The following CNBD1 variants were observed in gnomAD, a reference collection of about 807,000 sequenced individuals.
CNBD1 encodes the protein cyclic nucleotide-binding domain-containing protein 1.
Under a neutral mutation model 54.4 loss-of-function variants are expected in CNBD1, and 71 were observed. The ratio of observed to expected loss-of-function variants is 1.30; its 90% CI spans 1.08 to 1.59. CNBD1 has a LOEUF of 1.59. CNBD1 is among the 40% of genes most tolerant of loss of function. The probability of loss-of-function intolerance (pLI) is 0.00; values close to 1 mark genes in which losing one functional copy is unlikely to be tolerated. For synonymous variants in CNBD1, 182 were observed against 170.7 expected, an observed-to-expected ratio of 1.07 and a Z score of -0.51; for missense variants, 659 against 518.0, an observed-to-expected ratio of 1.27 and a Z score of -2.64.
chr8:87,317,211 T>C, intron 8 of CNBD1, among the ~76,000 whole-genome samples: 1 of 151,726 alleles, frequency 6.6e-6, no homozygotes. Flanking sequence ...TCCTTTTTTA[T>C]TATTTAAATT....
At chr8:87,091,769 G>A (rs1811206575) in intron 4 of CNBD1, among the ~76,000 whole-genome samples, 1 of 151,198 alleles carries the variant, frequency 6.6e-6, no homozygotes, top group Admixed American at 6.6e-5. Flanking sequence ...TCCTTCATGT[G>A]TAAAGGAGGT....
At chr8:87,296,630 CA>C (rs1323115517) in intron 8 of CNBD1, among the ~76,000 whole-genome samples, 1 of 147,970 alleles carries the variant, frequency 6.8e-6, no homozygotes, top group African/African-American at 2.6e-5. Flanking sequence ...CATATATATA[CA>C]TATATATGTG....
intron 4 of CNBD1, among the ~76,000 whole-genome samples, chr8:87,041,120 C>T (rs967501645): frequency 3.9e-5 from 6 of 151,900 alleles, no homozygotes; most frequent in Non-Finnish European, 8.8e-5. Flanking sequence ...TAGTGAGGTT[C>T]CAAGCAATAA....
chr8:87,371,681 A>G (rs1225852236), intron 10 of CNBD1, among the ~76,000 whole-genome samples: 5 of 152,066 alleles, frequency 3.3e-5, no homozygotes, highest in African/African-American at 1.2e-4. Context: ...GGCTGGTTCA[A>G]TATATGCAAA....
intron 2 of CNBD1, among the ~76,000 whole-genome samples, chr8:87,414,406 A>C (rs1038159855): frequency 1.3e-5 from 2 of 152,112 alleles, no homozygotes; most frequent in Non-Finnish European, 2.9e-5. Flanking sequence ...TAGCATTAGG[A>C]GATATACCTA....
At chr8:87,181,779 G>A (rs1355416156) in intron 4 of CNBD1, among the ~76,000 whole-genome samples, 1 of 151,962 alleles carries the variant, frequency 6.6e-6, no homozygotes, top group Non-Finnish European at 1.5e-5. Context: ...TTTTTCTAGG[G>A]TTACAGGTGA....
chr8:87,420,678 A>G (rs1807917969), intron 2 of CNBD1, among the ~76,000 whole-genome samples: 3 of 151,968 alleles, frequency 2.0e-5, no homozygotes, highest in Admixed American at 1.3e-4. Context: ...CTATTTAAAT[A>G]TAATGTAATA....
At chr8:86,894,596 T>C (rs1808823174) in intron 2 of CNBD1, among the ~76,000 whole-genome samples, 1 of 152,152 alleles carries the variant, frequency 6.6e-6, no homozygotes, top group African/African-American at 2.4e-5. Context: ...AAGTATATAA[T>C]GACATGGAAC....
intron 2 of CNBD1, among the ~76,000 whole-genome samples, chr8:86,895,670 C>T (rs1808838558): frequency 6.6e-6 from 1 of 152,078 alleles, no homozygotes; most frequent in African/African-American, 2.4e-5. Flanking sequence ...TATCTTGTTG[C>T]TTTAGTTTGT....
At position 87,323,540 on chromosome 8, in the gene CNBD1, A is replaced by G. The variant is rs1305173196; in HGVS notation, c.1043-28145A>G. On this transcript the variant is annotated intron_variant, in intron 8 of 10. Coordinates refer to ENST00000518476, the MANE Select transcript of CNBD1 (RefSeq NM_173538.3). ...CACATCCCTTGTAAGTTGGATTCCTAGGTATTTTATTCTCTTTGAAGCAAT... is the reference window on the plus strand; with the variant it reads ...CACATCCCTTGTAAGTTGGATTCCTGGGTATTTTATTCTCTTTGAAGCAAT... Among the ~76,000 whole-genome samples, 12 of 120,766 alleles carry G rather than the reference A, an allele frequency of 9.9e-5. 1 individual carries two copies. The highest frequency in any genetic ancestry group is 4.8e-4 in the South Asian group (2 of 4,126). The allele number at this position is 120,766 out of a possible 152,430, so 79.2% of individuals were successfully genotyped here. A position where few individuals can be genotyped will look rare whatever the true frequency, so the allele number is the denominator to read the frequency against.
intron 4 of CNBD1, among the ~76,000 whole-genome samples, chr8:87,020,619 A>G (rs911804560): frequency 6.6e-6 from 1 of 152,146 alleles, no homozygotes; most frequent in African/African-American, 2.4e-5. Flanking sequence ...ATTTAACCCT[A>G]TATATTGTGA....
intron 4 of CNBD1, among the ~76,000 whole-genome samples, chr8:87,028,644 A>G (rs945110444): frequency 6.6e-6 from 1 of 152,186 alleles, no homozygotes; most frequent in East Asian, 1.9e-4. Flanking sequence ...AGAAAACAGG[A>G]ACTAAGGAGG....
chr8:87,228,829 C>T (rs1171427874), intron 5 of CNBD1, among the ~76,000 whole-genome samples: 1 of 152,178 alleles, frequency 6.6e-6, no homozygotes, highest in African/African-American at 2.4e-5. Context: ...GGCGGGCGCC[C>T]CTCCTCCAGC....
intron 3 of CNBD1, among the ~76,000 whole-genome samples, chr8:86,936,134 C>CAA (rs201470624): frequency 1.3e-5 from 2 of 149,738 alleles, no homozygotes; most frequent in South Asian, 2.1e-4. Flanking sequence ...GATCCCTTCT[C>CAA]AAAAAAAAAT....
chr8:87,295,495 T>C (rs921613306), intron 8 of CNBD1, among the ~76,000 whole-genome samples: 1 of 151,950 alleles, frequency 6.6e-6, no homozygotes, highest in Non-Finnish European at 1.5e-5. Flanking sequence ...TTCAAATCCC[T>C]CAGAAGTAGA....
chr8:87,390,724 A>G (rs911552414), intron 2 of CNBD1, among the ~76,000 whole-genome samples: 1 of 152,190 alleles, frequency 6.6e-6, no homozygotes, highest in African/African-American at 2.4e-5. Context: ...CATTTGACCC[A>G]GCCATCCCAT....
intron 4 of CNBD1, among the ~76,000 whole-genome samples, chr8:86,978,002 A>C (rs913619970): frequency 6.6e-6 from 1 of 152,158 alleles, no homozygotes; most frequent in Non-Finnish European, 1.5e-5. Context: ...CTAGTAAACT[A>C]AACTCAACAG....
At chr8:86,946,362 T>G (rs1807466506) in intron 4 of CNBD1, among the ~76,000 whole-genome samples, 1 of 152,178 alleles carries the variant, frequency 6.6e-6, no homozygotes, top group South Asian at 2.1e-4. Context: ...AACTACTATT[T>G]GATCATATAT....
chr8:87,134,503 T>G (rs1452900332), intron 4 of CNBD1, among the ~76,000 whole-genome samples: 1 of 152,024 alleles, frequency 6.6e-6, no homozygotes. Flanking sequence ...AAAAGGAAAT[T>G]CTAAAAGAAT....
Sources: gnomAD v4.1 joint callset for allele counts (sites outside exome capture counted in the v4.1 genomes callset) on GRCh38, gnomAD v4.1.1 for gene constraint, MANE v1.5 for transcripts, NCBI Gene and HGNC (gene_info 2026-07-23, HGNC 2026-07-21) for gene names.